Variants in ZNF18 observed in about 807,000 individuals in gnomAD.
ZNF18 encodes the protein heart development-specific gene 1 protein.
ZNF18 carries 42 observed loss-of-function variants against 58.1 expected under a neutral mutation model. The observed-to-expected ratio is 0.72, with a 90% CI of 0.56 to 0.93. The LOEUF is 0.93. Ranked by LOEUF, ZNF18 falls within the 40% of genes least tolerant of loss-of-function variation. The pLI, the probability that ZNF18 is intolerant of heterozygous loss-of-function variation, is 0.00. For missense variants in ZNF18, 540 were observed against 644.2 expected (o/e 0.84, Z 1.75); for synonymous variants, 231 against 239.8 (o/e 0.96, Z 0.34).
At chr17:11,996,589 G>A (rs935227954) in intron 1 of ZNF18, among the ~76,000 whole-genome samples, 2 of 152,016 alleles carry the variant, frequency 1.3e-5, no homozygotes, top group Non-Finnish European at 2.9e-5. Context: ...AACCTCATGA[G>A]GAACTGCCCC....
chr17:12,001,039 T>C (rs552559088), upstream of ZNF18, among the ~76,000 whole-genome samples: 10 of 152,144 alleles, frequency 6.6e-5, no homozygotes, highest in Non-Finnish European at 1.5e-4. Flanking sequence ...AAAATTTGTA[T>C]GGAAGGGGAG....
At position 11,983,532 on chromosome 17, in the gene ZNF18, C is replaced by G. The variant is rs929141696; in HGVS notation, c.752-125G>C. 5.0e-5 allele frequency: 35 copies of G among 702,602 alleles called. No homozygotes were observed. The African/African-American group carries it at 6.0e-4, about 12-fold the overall frequency. 43.5% of individuals were successfully genotyped at this position (702,602 alleles called of 1,614,324 possible). On this transcript the variant is annotated intron_variant, in intron 5 of 6. Transcript: ENST00000580306. Reference sequence around the variant, plus strand: ...TGAAGGCTCTGGACACTTGCAGAAACTCACCTTAGAACAGTGTGTGGAGCT... The same window carrying G: ...TGAAGGCTCTGGACACTTGCAGAAAGTCACCTTAGAACAGTGTGTGGAGCT...
intron 6 of ZNF18, among the ~76,000 whole-genome samples, chr17:11,981,572 T>C (rs1967361558): frequency 6.8e-6 from 1 of 147,612 alleles, no homozygotes; most frequent in South Asian, 2.2e-4. Flanking sequence ...AGGATGACCC[T>C]TGTAGACTCC....
intron 1 of ZNF18, among the ~76,000 whole-genome samples, chr17:11,996,610 G>A (rs188809875): frequency 4.7e-5 from 7 of 150,130 alleles, no homozygotes; most frequent in Non-Finnish European, 3.0e-5. Flanking sequence ...CATTAGTTAT[G>A]AAAAAAAAAT....
At chr17:11,986,226 G>C (rs911793332) in intron 4 of ZNF18, among the ~76,000 whole-genome samples, 2 of 152,198 alleles carry the variant, frequency 1.3e-5, no homozygotes, top group African/African-American at 4.8e-5. Flanking sequence ...CCATGATTGG[G>C]GGCCTCCCCA....
At chr17:12,005,956 C>G in the ZNF18 span, among the ~76,000 whole-genome samples, 1 of 145,210 alleles carries the variant, frequency 6.9e-6, no homozygotes, top group Admixed American at 7.0e-5. Flanking sequence ...TCTCCCTGTT[C>G]TAGATCTGGG....
chr17:11,997,686 C>G (rs1968566339), upstream of ZNF18, among the ~76,000 whole-genome samples: 1 of 152,256 alleles, frequency 6.6e-6, no homozygotes, highest in African/African-American at 2.4e-5. Context: ...TCACTAATCA[C>G]TGTTCCTGAG....
Position 11,992,914 on chromosome 17 carries a change from A to G in ZNF18, c.-82-3T>C. 6.9e-7 allele frequency: 1 copy of G among 1,446,132 alleles called. No homozygotes were observed. The highest frequency in any genetic ancestry group is 9.2e-7 in the Non-Finnish European group (1 of 1,086,118). 89.6% of individuals were successfully genotyped at this position (1,446,132 alleles called of 1,614,324 possible). ...AGAACTAGGTCTTCACCAGGACACT[A>G]AAAAGGGAATGAGATTGAGTGCTAC... On this transcript the variant is annotated splice_polypyrimidine_tract_variant and splice_region_variant and intron_variant, in intron 1 of 6. Coordinates refer to ENST00000580306, the MANE Select transcript of ZNF18 (RefSeq NM_001303281.2).
the ZNF18 span, among the ~76,000 whole-genome samples, chr17:12,016,939 G>A: frequency 6.6e-6 from 1 of 152,040 alleles, no homozygotes; most frequent in African/African-American, 2.4e-5. Flanking sequence ...GCTCACGTCT[G>A]TAATTCCAGC....
At position 11,978,486 on chromosome 17, in the gene ZNF18, A is replaced by T. The variant is rs1183735351; in HGVS notation, c.1121T>A (p.Leu374Ter). 6.2e-7 allele frequency: 1 copy of T among 1,602,202 alleles called. No homozygotes were observed. Among genetic ancestry groups the T allele is most frequent in the Admixed American group, 1.7e-5 (1 of 58,316 alleles). Residue 374 changes from leucine (L) to a stop codon, truncating the protein, a stop_gained, in exon 7 of 7, where the codon TTG (leucine) becomes TAG (stop). Coordinates refer to ENST00000580306, the MANE Select transcript of ZNF18 (RefSeq NM_001303281.2). LOFTEE classifies it high-confidence loss of function. ...RISEKQLGQH[L>*]PNPHSGEMST... Reference sequence around the variant, plus strand: ...CATTTCTCCTGAATGAGGATTAGGCAAATGCTGACCTAGTTGTTTCTCAGA... The same window carrying T: ...CATTTCTCCTGAATGAGGATTAGGCTAATGCTGACCTAGTTGTTTCTCAGA...
the ZNF18 span, among the ~76,000 whole-genome samples, chr17:12,017,912 T>C: frequency 2.0e-5 from 3 of 152,164 alleles, no homozygotes; most frequent in Non-Finnish European, 2.9e-5. Flanking sequence ...AGTCTAACCA[T>C]TGACATATGT....
intron 4 of ZNF18, among the ~76,000 whole-genome samples, chr17:11,985,404 T>C (rs1407543960): frequency 1.3e-5 from 2 of 152,150 alleles, no homozygotes; most frequent in Non-Finnish European, 2.9e-5. Context: ...CTTGAGCAAG[T>C]TATTTAACCT....
At chr17:11,985,286 T>C (rs1442582798) in intron 4 of ZNF18, among the ~76,000 whole-genome samples, 1 of 152,234 alleles carries the variant, frequency 6.6e-6, no homozygotes, top group East Asian at 1.9e-4. Flanking sequence ...ACCAAGAAGC[T>C]GACTATTAGA....
At chr17:11,999,683 G>T (rs1339721001), upstream of ZNF18, among the ~76,000 whole-genome samples, 1 of 152,170 alleles carries the variant, frequency 6.6e-6, no homozygotes, top group Non-Finnish European at 1.5e-5. Flanking sequence ...GCCCTCCCAA[G>T]ACTTATATTT....
chr17:12,002,231 C>T (rs1309566107), upstream of ZNF18: 1 of 152,156 alleles, frequency 6.6e-6, no homozygotes, highest in Non-Finnish European at 1.5e-5. Flanking sequence ...GAAACCCCAT[C>T]TCTACCGAAA....
chr17:11,983,975 A>T, intron 5 of ZNF18, 138 bp downstream of exon 5: 2 of 662,010 alleles, frequency 3.0e-6, no homozygotes, highest in Non-Finnish European at 4.9e-6. Flanking sequence ...AACTTGCCCC[A>T]GTTCCCAACT....
chr17:11,992,408 T>C, intron 2 of ZNF18, 35 bp downstream of exon 2: 1 of 1,591,658 alleles, frequency 6.3e-7, no homozygotes, highest in Non-Finnish European at 8.6e-7. Context: ...AGGAGCCCTG[T>C]GTTTCACTCG....
In ZNF18 at chr17:11,978,586, C is replaced by G. The variant is rs1164843217; in HGVS notation, c.1021G>C (p.Glu341Gln). The G allele has an allele frequency of 1.9e-6, 3 of 1,614,032 alleles. No homozygotes were observed. Among genetic ancestry groups the G allele is most frequent in the Non-Finnish European group, 2.5e-6 (3 of 1,180,024 alleles). Reference protein sequence around the residue: ...EDEPGCFGEGENLPEALQNIQ... With the variant: ...EDEPGCFGEGQNLPEALQNIQ... Reference sequence around the variant, plus strand: ...TTTTGCAGAGCCTCAGGGAGATTCTCTCCTTCTCCAAAGCATCCTGGCTCA... The same window carrying G: ...TTTTGCAGAGCCTCAGGGAGATTCTGTCCTTCTCCAAAGCATCCTGGCTCA... The change falls in exon 7 of 7, where the codon GAG becomes CAG. Residue 341 changes from glutamate to glutamine, a missense_variant. Coordinates refer to ENST00000580306, the MANE Select transcript of ZNF18 (RefSeq NM_001303281.2).
chr17:12,020,943 C>T, the ZNF18 span: 6 of 1,217,244 alleles, frequency 4.9e-6, no homozygotes, highest in Non-Finnish European at 6.1e-6. Context: ...GCGGCAGCGG[C>T]ACCCCCGGCC....
Sources: allele counts gnomAD v4.1 joint callset (sites outside exome capture counted in the v4.1 genomes callset), GRCh38; gene constraint gnomAD v4.1.1; transcripts MANE v1.5; gene names NCBI Gene and HGNC (gene_info 2026-07-23, HGNC 2026-07-21).